ROPN1L: variants seen among roughly 807,000 people sequenced by gnomAD.
ROPN1L encodes ropporin-1-like protein.
Under a neutral mutation model 22.7 loss-of-function variants are expected in ROPN1L, and 23 were observed. The observed-to-expected ratio is 1.01, with a 90% CI of 0.73 to 1.43. The LOEUF (loss-of-function observed/expected upper bound fraction) is 1.43, where lower values mean the gene tolerates loss of function less well. Among genes scored for constraint, ROPN1L ranks in the 40% most tolerant of loss-of-function variants. The pLI is 0.00. For synonymous variants in ROPN1L, 116 were observed against 117.8 expected (o/e 0.98, Z 0.10); for missense variants, 271 against 291.5 (o/e 0.93, Z 0.51).
chr5:10,452,820 T>G (rs1407111626), intron 3 of ROPN1L, among the ~76,000 whole-genome samples: 1 of 152,188 alleles, frequency 6.6e-6, no homozygotes, highest in African/African-American at 2.4e-5. Flanking sequence ...AAGCACTAGA[T>G]TTAAAACACA....
At chr5:10,476,640 G>A (rs1735321292), downstream of ROPN1L, among the ~76,000 whole-genome samples, 1 of 152,190 alleles carries the variant, frequency 6.6e-6, no homozygotes, top group Admixed American at 6.5e-5. Context: ...GTGGAAAGAA[G>A]GCTTGAGAAT....
At position 10,441,903 on chromosome 5, in the gene ROPN1L, G is replaced by C. The variant is rs184031617; in HGVS notation, c.-265G>C. ...CGCGTCCCGGGTGCCTGGATACCGA[G>C]CGCGTCCGTAGTGGCGGCTGGCGCT... On this transcript the variant is annotated 5_prime_UTR_variant, in exon 1 of 5. Transcript: ENST00000274134. The C allele has an allele frequency of 4.0e-4, 116 of 290,124 alleles. 1 individual carries two copies. The East Asian group carries it at 6.9e-3, about 17-fold the overall frequency. 18.0% of individuals were successfully genotyped at this position (290,124 alleles called of 1,614,324 possible).
chr5:10,468,221 G>A (rs1735187116), downstream of ROPN1L, among the ~76,000 whole-genome samples: 1 of 152,254 alleles, frequency 6.6e-6, no homozygotes, highest in Admixed American at 6.5e-5. Flanking sequence ...TGGAAGATGA[G>A]CTAATTTTGT....
intron 4 of ROPN1L, among the ~76,000 whole-genome samples, chr5:10,461,894 CT>C (rs1203834817): frequency 6.6e-6 from 1 of 152,214 alleles, no homozygotes; most frequent in African/African-American, 2.4e-5. Flanking sequence ...AGCATGGGGG[CT>C]TTTGCCCCCA....
chr5:10,454,458 T>C (rs559046864), intron 3 of ROPN1L, among the ~76,000 whole-genome samples: 1 of 152,340 alleles, frequency 6.6e-6, no homozygotes, highest in East Asian at 1.9e-4. Context: ...ATGCCATTAA[T>C]GATCCTGAGC....
downstream of ROPN1L, among the ~76,000 whole-genome samples, chr5:10,468,931 G>A (rs556464335): frequency 6.6e-6 from 1 of 152,330 alleles, no homozygotes; most frequent in Non-Finnish European, 1.5e-5. Flanking sequence ...CAAGGTGGGT[G>A]GATTACGAGG....
intron 3 of ROPN1L, 108 bp from the exon 4 acceptor site, chr5:10,461,076 G>T: frequency 1.0e-6 from 1 of 991,948 alleles, no homozygotes; most frequent in East Asian, 2.6e-5. Flanking sequence ...ACTTTTTGGA[G>T]AATTTCTGTC....
At chr5:10,446,534 A>G (rs973647224) in intron 1 of ROPN1L, among the ~76,000 whole-genome samples, 1 of 152,042 alleles carries the variant, frequency 6.6e-6, no homozygotes, top group Non-Finnish European at 1.5e-5. Flanking sequence ...GGTGATGCAC[A>G]TGTGTAATCC....
rs754284119 is a variant in ROPN1L, at chr5:10,461,375, C to T, written c.593+16C>T. The T allele has an allele frequency of 3.7e-6, 6 of 1,605,866 alleles. No individual in the cohort carries two copies. Among genetic ancestry groups the T allele is most frequent in the South Asian group, 2.2e-5 (2 of 90,692 alleles). On this transcript the variant is annotated intron_variant, in intron 4 of 4. Transcript: ENST00000274134. ...AGGAAAATATGTAAGTATGCACCCTCTCTAGGATTCAGGTATGTTGACCAT... is the reference window on the plus strand; with the variant it reads ...AGGAAAATATGTAAGTATGCACCCTTTCTAGGATTCAGGTATGTTGACCAT...
chr5:10,465,909 C>G (rs1735145877), downstream of ROPN1L, among the ~76,000 whole-genome samples: 1 of 152,128 alleles, frequency 6.6e-6, no homozygotes, highest in South Asian at 2.1e-4. Flanking sequence ...CCCTTTGCTC[C>G]CTGCCTACCC....
chr5:10,450,622 C>T (rs1026232291), intron 3 of ROPN1L, among the ~76,000 whole-genome samples: 5 of 152,224 alleles, frequency 3.3e-5, no homozygotes, highest in South Asian at 4.1e-4. Context: ...CTCAGCCTCC[C>T]GAGTTGCTGA....
the ROPN1L span, among the ~76,000 whole-genome samples, chr5:10,480,445 G>A: frequency 6.6e-6 from 1 of 152,112 alleles, no homozygotes; most frequent in African/African-American, 2.4e-5. Context: ...AGGATCCCCT[G>A]GGAGGCACAG....
chr5:10,453,484 G>A (rs759753410), intron 3 of ROPN1L, among the ~76,000 whole-genome samples: 1 of 152,080 alleles, frequency 6.6e-6, no homozygotes, highest in Non-Finnish European at 1.5e-5. Flanking sequence ...CGTCATAAGC[G>A]TTCATTTTTA....
At position 10,443,628 on chromosome 5, in the gene ROPN1L, C is replaced by CAAA. The variant is rs367600820; in HGVS notation, c.131+1342_131+1344dup. On this transcript the variant is annotated intron_variant, in intron 1 of 4. Transcript: ENST00000274134. ...CGGGCGACAGAGCGAGACTCCGTCT[C>CAAA]AAAAAAAAAAAAAACACAGACATAC... is the stretch of plus-strand genomic sequence containing the variant. Among the ~76,000 whole-genome samples the CAAA allele has an allele frequency of 4.4e-3, 505 of 115,488 alleles. 4 individuals carry two copies. Among genetic ancestry groups the CAAA allele is most frequent in the African/African-American group, 0.015 (482 of 32,782 alleles). The allele number at this position is 115,488 out of a possible 152,430, so 75.8% of individuals were successfully genotyped here.
chr5:10,442,228 G>A lies in ROPN1L; in HGVS notation c.61G>A (p.Asp21Asn). 6.2e-7 allele frequency: 1 copy of A among 1,613,846 alleles called. No individual in the cohort carries two copies. The highest frequency in any genetic ancestry group is 8.5e-7 in the Non-Finnish European group (1 of 1,179,908). ...GATCCACATTCCCCCGGAGCTGCCGGACATCCTGAAGCAATTCACCAAGGC... is the reference window on the plus strand; with the variant it reads ...GATCCACATTCCCCCGGAGCTGCCGAACATCCTGAAGCAATTCACCAAGGC... ...QQIHIPPELP[D>N]ILKQFTKAAI... The change falls in exon 1 of 5, where the codon GAC becomes AAC. Residue 21 changes from aspartate to asparagine, a missense_variant. Coordinates refer to ENST00000274134, the MANE Select transcript of ROPN1L (RefSeq NM_031916.5).
At chr5:10,466,798 C>T (rs1296112886), downstream of ROPN1L, among the ~76,000 whole-genome samples, 2 of 152,082 alleles carry the variant, frequency 1.3e-5, no homozygotes, top group African/African-American at 4.8e-5. Flanking sequence ...AACGAAGCAC[C>T]GGAGACCCAG....
chr5:10,476,102 C>A (rs1001946997), downstream of ROPN1L, among the ~76,000 whole-genome samples: 1 of 152,236 alleles, frequency 6.6e-6, no homozygotes, highest in Admixed American at 6.5e-5. Context: ...GCAGGCGGTG[C>A]GCTTAGCCAC....
intron 4 of ROPN1L, 135 bp downstream of exon 4, chr5:10,461,494 T>C: frequency 1.3e-6 from 1 of 760,544 alleles, no homozygotes; most frequent in South Asian, 1.7e-5. Context: ...AGAAGACTGC[T>C]ATGATCAAAT....
chr5:10,452,035 G>A (rs1345085634), intron 3 of ROPN1L, among the ~76,000 whole-genome samples: 6 of 151,954 alleles, frequency 3.9e-5, no homozygotes, highest in Non-Finnish European at 8.8e-5. Flanking sequence ...CACCCAGGTT[G>A]GAGTGCAATG....
Sources: gnomAD v4.1 joint callset for allele counts (sites outside exome capture counted in the v4.1 genomes callset) on GRCh38, gnomAD v4.1.1 for gene constraint, MANE v1.5 for transcripts, NCBI Gene and HGNC (gene_info 2026-07-23, HGNC 2026-07-21) for gene names.